The following CUL1 variants were observed in gnomAD, a reference collection of about 807,000 sequenced individuals.
CUL1 encodes cullin-1.
CUL1 carries 24 observed loss-of-function variants against 118.0 expected under a neutral mutation model. The observed-to-expected ratio is 0.20, with a 90% confidence interval of 0.15 to 0.29. The LOEUF is 0.29. CUL1 is among the 10% of genes least tolerant of loss of function. The pLI is 1.00. For synonymous variants in CUL1, 332 were observed against 340.4 expected (o/e 0.98, Z 0.27); for missense variants, 361 against 933.8 (o/e 0.39, Z 7.99).
chr7:148,778,582 TG>T (rs1800503549), intron 9 of CUL1, among the ~76,000 whole-genome samples: 1 of 152,234 alleles, frequency 6.6e-6, no homozygotes, highest in African/African-American at 2.4e-5. Flanking sequence ...GATATGTTTT[TG>T]TTACTTAGTG....
At chr7:148,715,346 A>G (rs1221065991) in intron 1 of CUL1, among the ~76,000 whole-genome samples, 2 of 152,026 alleles carry the variant, frequency 1.3e-5, no homozygotes, top group African/African-American at 2.4e-5. Context: ...GCCAGGTTTC[A>G]TTGCTTTCTA....
At chr7:148,747,267 CA>C (rs1799336021) in intron 2 of CUL1, among the ~76,000 whole-genome samples, 1 of 152,178 alleles carries the variant, frequency 6.6e-6, no homozygotes, top group Non-Finnish European at 1.5e-5. Flanking sequence ...GAACAGCAGT[CA>C]GGCTGAACTA....
chr7:148,739,444 G>C (rs1799070307), intron 2 of CUL1, among the ~76,000 whole-genome samples: 1 of 152,204 alleles, frequency 6.6e-6, no homozygotes, highest in African/African-American at 2.4e-5. Flanking sequence ...AGGCGAAGGT[G>C]CCCTAAACCG....
intron 2 of CUL1, among the ~76,000 whole-genome samples, chr7:148,732,578 A>T (rs573772683): frequency 6.6e-6 from 1 of 151,166 alleles, no homozygotes; most frequent in Admixed American, 6.6e-5. Context: ...GGGCTCAAGC[A>T]TTCCGCCTGG....
At chr7:148,714,418 G>A (rs1230842212) in intron 1 of CUL1, among the ~76,000 whole-genome samples, 1 of 152,070 alleles carries the variant, frequency 6.6e-6, no homozygotes, top group African/African-American at 2.4e-5. Flanking sequence ...CACCATGCTG[G>A]GTGCTGGATC....
intron 2 of CUL1, 63 bp from the exon 3 acceptor site, chr7:148,753,913 A>G (rs1799573836): frequency 8.0e-7 from 1 of 1,254,400 alleles, no homozygotes; most frequent in South Asian, 1.6e-5. Flanking sequence ...ATAAGAAAAT[A>G]TGTTTATGTT....
intron 7 of CUL1, among the ~76,000 whole-genome samples, chr7:148,761,995 C>T (rs1357124126): frequency 1.3e-5 from 2 of 152,180 alleles, no homozygotes; most frequent in African/African-American, 4.8e-5. Flanking sequence ...TGACAGGAGG[C>T]GGAGCTCAGG....
At chr7:148,745,000 G>A (rs1799264318) in intron 2 of CUL1, among the ~76,000 whole-genome samples, 1 of 151,614 alleles carries the variant, frequency 6.6e-6, no homozygotes, top group African/African-American at 2.4e-5. Flanking sequence ...TCTGTGTTAC[G>A]TTCTTTTTCC....
At chr7:148,782,387 A>G (rs1329081412) in intron 9 of CUL1, among the ~76,000 whole-genome samples, 1 of 152,256 alleles carries the variant, frequency 6.6e-6, no homozygotes, top group African/African-American at 2.4e-5. Flanking sequence ...GCCATGAAAC[A>G]AAGAGCAAGG....
chr7:148,748,325 A>G (rs1387897520), intron 2 of CUL1, among the ~76,000 whole-genome samples: 1 of 152,208 alleles, frequency 6.6e-6, no homozygotes, highest in Non-Finnish European at 1.5e-5. Context: ...ACACAGAAAC[A>G]AAGGTTGAAA....
chr7:148,796,659 T>C (rs1801209023), intron 17 of CUL1, among the ~76,000 whole-genome samples: 1 of 152,204 alleles, frequency 6.6e-6, no homozygotes. Context: ...AGGTGTGGAC[T>C]GTCAGGTCTT....
chr7:148,724,650 T>G (rs1029633813), intron 1 of CUL1, among the ~76,000 whole-genome samples: 9 of 152,188 alleles, frequency 5.9e-5, no homozygotes, highest in Non-Finnish European at 2.9e-5. Flanking sequence ...AGGGGCCCTG[T>G]GGCTGCCCCT....
intron 9 of CUL1, among the ~76,000 whole-genome samples, chr7:148,776,122 G>A (rs1454029916): frequency 6.6e-6 from 1 of 151,642 alleles, no homozygotes; most frequent in Non-Finnish European, 1.5e-5. Flanking sequence ...TTTTTAATTT[G>A]AAACAACTAC....
rs1425591439 is a variant in CUL1, at chr7:148,721,544, T to A, written c.-161-8418T>A. The stretch of plus-strand genomic sequence containing the variant: ...TATGTATCCCTAGCTAGTATATATA[T>A]TTTTCAACATATGTACAATGAAACC... On this transcript the variant is annotated intron_variant, in intron 1 of 21. Coordinates refer to ENST00000325222, the MANE Select transcript of CUL1 (RefSeq NM_003592.3). Among the ~76,000 whole-genome samples the A allele has an allele frequency of 1.1e-4, 17 of 152,152 alleles. No individual in the cohort carries two copies. The East Asian group carries it at 3.3e-3, about 29-fold the overall frequency.
intron 2 of CUL1, among the ~76,000 whole-genome samples, chr7:148,736,007 T>TA (rs60787796): frequency 0.04 from 5,257 of 132,656 alleles, 139 homozygotes; most frequent in Non-Finnish European, 0.061. Flanking sequence ...ACCTTGTCTT[T>TA]AAAAAAAAAA....
chr7:148,750,239 C>T (rs1275516661), intron 2 of CUL1, among the ~76,000 whole-genome samples: 1 of 151,138 alleles, frequency 6.6e-6, no homozygotes, highest in African/African-American at 2.4e-5. Context: ...GCGTAAGCAA[C>T]AGATACTCAA....
intron 17 of CUL1, among the ~76,000 whole-genome samples, chr7:148,794,229 A>T (rs1388527357): frequency 1.3e-5 from 2 of 150,110 alleles, no homozygotes; most frequent in African/African-American, 4.9e-5. Context: ...ACACATTTTT[A>T]ATTTTGATGA....
chr7:148,708,533 G>A (rs1797957632), intron 1 of CUL1, among the ~76,000 whole-genome samples: 1 of 152,224 alleles, frequency 6.6e-6, no homozygotes, highest in African/African-American at 2.4e-5. Context: ...GGACTTGCCT[G>A]GCTTCCTTGA....
At position 148,741,712 on chromosome 7, in the gene CUL1, C is replaced by T. The variant is rs11974639; in HGVS notation, c.140+11450C>T. ...CCTCAGCCTCCCGAGTAGCTGGAAC[C>T]GCAGGTGCGCATCACCATGCCCAGC... On this transcript the variant is annotated intron_variant, in intron 2 of 21. Coordinates refer to ENST00000325222, the MANE Select transcript of CUL1 (RefSeq NM_003592.3). Among the ~76,000 whole-genome samples the T allele has an allele frequency of 6.9e-3, 844 of 121,830 alleles. 7 individuals are homozygous for T. The highest frequency in any genetic ancestry group is 8.9e-3 in the African/African-American group (250 of 28,106). 79.9% of individuals were successfully genotyped at this position (121,830 alleles called of 152,430 possible).
Sources: allele counts gnomAD v4.1 joint callset (sites outside exome capture counted in the v4.1 genomes callset), GRCh38; gene constraint gnomAD v4.1.1; transcripts MANE v1.5; gene names NCBI Gene and HGNC (gene_info 2026-07-23, HGNC 2026-07-21).